Variants in CNTNAP2 observed in about 807,000 individuals in gnomAD.
The protein encoded by CNTNAP2 is contactin-associated protein-like 2.
Under a neutral mutation model 155.2 loss-of-function variants are expected in CNTNAP2, and 98 were observed. The ratio of observed to expected loss-of-function variants is 0.63; its 90% CI spans 0.54 to 0.75. CNTNAP2 has a LOEUF of 0.75. Ranked by LOEUF, CNTNAP2 falls within the 30% of genes least tolerant of loss-of-function variation. The probability of loss-of-function intolerance (pLI) is 0.00; values close to 1 mark genes in which losing one functional copy is unlikely to be tolerated. For synonymous variants in CNTNAP2, 651 were observed against 631.2 expected, an observed-to-expected ratio of 1.03 and a Z score of -0.47; for missense variants, 1,727 against 1,688.1, an observed-to-expected ratio of 1.02 and a Z score of -0.40.
chr7:148,239,351 C>A (rs1040728509), intron 20 of CNTNAP2, among the ~76,000 whole-genome samples: 4 of 152,134 alleles, frequency 2.6e-5, no homozygotes, highest in African/African-American at 9.7e-5. Flanking sequence ...TTATTAGTTT[C>A]TGATAGTATT....
intron 1 of CNTNAP2, among the ~76,000 whole-genome samples, chr7:146,737,648 C>A (rs1216582953): frequency 6.6e-6 from 1 of 152,018 alleles, no homozygotes; most frequent in Non-Finnish European, 1.5e-5. Context: ...TTGCATTTAT[C>A]TGATAATCAG....
intron 14 of CNTNAP2, among the ~76,000 whole-genome samples, chr7:147,936,185 CT>C (rs1180407671): frequency 6.6e-6 from 1 of 151,996 alleles, no homozygotes; most frequent in East Asian, 1.9e-4. Flanking sequence ...AAAAGCAAGT[CT>C]TTTTTGGGAA....
intron 1 of CNTNAP2, among the ~76,000 whole-genome samples, chr7:146,609,014 T>C (rs1445153225): frequency 6.6e-6 from 1 of 152,180 alleles, no homozygotes; most frequent in Non-Finnish European, 1.5e-5. Flanking sequence ...AGTAGTACTA[T>C]AGAACTGCTT....
intron 14 of CNTNAP2, among the ~76,000 whole-genome samples, chr7:147,932,470 T>G (rs1050594883): frequency 6.6e-6 from 1 of 152,162 alleles, no homozygotes; most frequent in Non-Finnish European, 1.5e-5. Flanking sequence ...GAGGATGATT[T>G]CTTCAATAAA....
chr7:147,868,206 C>T (rs1799266443), intron 13 of CNTNAP2, among the ~76,000 whole-genome samples: 1 of 152,124 alleles, frequency 6.6e-6, no homozygotes, highest in South Asian at 2.1e-4. Flanking sequence ...TAGTCAGGTC[C>T]CTCAGCTGCA....
At chr7:146,483,577 A>G (rs911550837) in intron 1 of CNTNAP2, among the ~76,000 whole-genome samples, 4 of 150,330 alleles carry the variant, frequency 2.7e-5, no homozygotes, top group African/African-American at 9.7e-5. Flanking sequence ...TGATCTCAGT[A>G]TGTTCTTAAA....
intron 9 of CNTNAP2, among the ~76,000 whole-genome samples, chr7:147,390,914 C>G: frequency 6.6e-6 from 1 of 152,144 alleles, no homozygotes; most frequent in South Asian, 2.1e-4. Flanking sequence ...TTTCCACACA[C>G]GAAGTACACC....
At chr7:147,492,610 A>C (rs2116650823) in intron 11 of CNTNAP2, among the ~76,000 whole-genome samples, 1 of 152,298 alleles carries the variant, frequency 6.6e-6, no homozygotes, top group East Asian at 1.9e-4. Flanking sequence ...CTGATGTCAA[A>C]CCATCAGATC....
At chr7:147,359,280 C>G (rs1259636323) in intron 9 of CNTNAP2, among the ~76,000 whole-genome samples, 1 of 152,126 alleles carries the variant, frequency 6.6e-6, no homozygotes, top group Admixed American at 6.5e-5. Context: ...TCAGCAAATC[C>G]TGTTGCCTTT....
chr7:147,726,088 G>A (rs1796637172), intron 13 of CNTNAP2, among the ~76,000 whole-genome samples: 1 of 151,902 alleles, frequency 6.6e-6, no homozygotes, highest in South Asian at 2.1e-4. Context: ...AGAATAGAAT[G>A]GTGGAAGGGC....
intron 13 of CNTNAP2, among the ~76,000 whole-genome samples, chr7:147,837,002 A>G (rs1798644078): frequency 6.6e-6 from 1 of 152,200 alleles, no homozygotes; most frequent in African/African-American, 2.4e-5. Context: ...GCTAAAAGGG[A>G]CTCAAACCTG....
chr7:148,384,770 C>T (rs1421901390), intron 22 of CNTNAP2, among the ~76,000 whole-genome samples: 1 of 152,152 alleles, frequency 6.6e-6, no homozygotes, highest in Non-Finnish European at 1.5e-5. Flanking sequence ...CCATCACTGC[C>T]TCTCACCAGC....
rs142042664 is a variant in CNTNAP2, at chr7:147,012,308, G to A, written c.403-31599G>A. 4.9e-3 allele frequency among the ~76,000 whole-genome samples: 745 copies of A among 152,218 alleles called. 4 individuals are homozygous for A. Among genetic ancestry groups the A allele is most frequent in the African/African-American group, 0.017 (720 of 41,552 alleles). On this transcript the variant is annotated intron_variant, in intron 3 of 23. Coordinates refer to ENST00000361727, the MANE Select transcript of CNTNAP2 (RefSeq NM_014141.6). Reference sequence around the variant, plus strand: ...CATGGTTATATAAGAGCATATTCTTGTTTGTAGAAATTACAGAGTAAAATA... The same window carrying A: ...CATGGTTATATAAGAGCATATTCTTATTTGTAGAAATTACAGAGTAAAATA...
intron 8 of CNTNAP2, among the ~76,000 whole-genome samples, chr7:147,202,392 T>G (rs1341038801): frequency 6.6e-6 from 1 of 152,136 alleles, no homozygotes; most frequent in African/African-American, 2.4e-5. Context: ...TTATGCATGA[T>G]TCTTTTACAA....
chr7:147,592,018 G>C (rs998187416), intron 12 of CNTNAP2, among the ~76,000 whole-genome samples: 4 of 152,126 alleles, frequency 2.6e-5, no homozygotes, highest in African/African-American at 9.7e-5. Flanking sequence ...CATTGTCTGA[G>C]TTAGCTGTTC....
At chr7:147,169,666 G>T (rs773936868) in intron 8 of CNTNAP2, among the ~76,000 whole-genome samples, 12 of 151,964 alleles carry the variant, frequency 7.9e-5, no homozygotes, top group Non-Finnish European at 1.8e-4. Flanking sequence ...GAGGGAGGGA[G>T]GGAGGGAAAT....
At chr7:146,264,982 G>T (rs1473639020) in intron 1 of CNTNAP2, among the ~76,000 whole-genome samples, 1 of 152,166 alleles carries the variant, frequency 6.6e-6, no homozygotes. Flanking sequence ...ACAAACAACA[G>T]ATTATGAATG....
At chr7:147,832,746 A>C (rs1798572138) in intron 13 of CNTNAP2, among the ~76,000 whole-genome samples, 1 of 147,010 alleles carries the variant, frequency 6.8e-6, no homozygotes, top group Non-Finnish European at 1.5e-5. Flanking sequence ...TTTATAATTT[A>C]ATGACATATA....
intron 1 of CNTNAP2, among the ~76,000 whole-genome samples, chr7:146,316,681 C>T (rs151161487): frequency 6.6e-6 from 1 of 152,182 alleles, no homozygotes; most frequent in African/African-American, 2.4e-5. Flanking sequence ...TACGTTTACG[C>T]AAAGGATAAG....
Sources: allele counts gnomAD v4.1 joint callset (sites outside exome capture counted in the v4.1 genomes callset), GRCh38; gene constraint gnomAD v4.1.1; transcripts MANE v1.5; gene names NCBI Gene and HGNC (gene_info 2026-07-23, HGNC 2026-07-21).